The following SLIT3 variants were observed in gnomAD, a reference collection of about 807,000 sequenced individuals.
SLIT3 encodes slit guidance ligand 3, also known as slit homolog 3 protein.
SLIT3 carries 68 observed loss-of-function variants against 184.0 expected under a neutral mutation model. The observed-to-expected ratio is 0.37, with a 90% CI of 0.30 to 0.45. The LOEUF (loss-of-function observed/expected upper bound fraction) is 0.45, where lower values mean the gene tolerates loss of function less well. SLIT3 is among the 20% of genes least tolerant of loss of function. The pLI, the probability that SLIT3 is intolerant of heterozygous loss-of-function variation, is 1.00. For missense variants in SLIT3, 1,707 were observed against 2,026.0 expected (o/e 0.84, Z 3.02); for synonymous variants, 831 against 828.6 (o/e 1.00, Z -0.05).
At chr5:168,836,702 C>T (rs138635051) in intron 6 of SLIT3, among the ~76,000 whole-genome samples, 415 of 152,244 alleles carry the variant, frequency 2.7e-3, no homozygotes, top group Non-Finnish European at 5.0e-3. Flanking sequence ...CCACGACTTG[C>T]CGACTCCCCC....
intron 4 of SLIT3, among the ~76,000 whole-genome samples, chr5:168,984,369 T>C (rs6875247): frequency 0.063 from 9,545 of 152,184 alleles, 394 homozygotes; most frequent in African/African-American, 0.12. Flanking sequence ...TCAATCTGCA[T>C]TTCCTAAATG....
At chr5:169,215,820 G>A (rs1764416557) in intron 3 of SLIT3, among the ~76,000 whole-genome samples, 1 of 152,178 alleles carries the variant, frequency 6.6e-6, no homozygotes, top group Non-Finnish European at 1.5e-5. Flanking sequence ...TTCTTTCCTA[G>A]AATGAAATTC....
intron 1 of SLIT3, among the ~76,000 whole-genome samples, chr5:169,260,331 A>T (rs558344865): frequency 6.6e-6 from 1 of 152,084 alleles, no homozygotes; most frequent in South Asian, 2.1e-4. Flanking sequence ...TCAGTTATGC[A>T]CTCACTACGC....
intron 4 of SLIT3, among the ~76,000 whole-genome samples, chr5:168,981,852 G>A (rs1754955905): frequency 6.6e-6 from 1 of 152,116 alleles, no homozygotes; most frequent in African/African-American, 2.4e-5. Flanking sequence ...GGATGTTTAA[G>A]GGCACTGAAG....
intron 5 of SLIT3, among the ~76,000 whole-genome samples, chr5:168,857,843 T>C (rs1407703975): frequency 6.6e-6 from 1 of 152,212 alleles, no homozygotes; most frequent in African/African-American, 2.4e-5. Context: ...ACCACCGAGC[T>C]TAAAAGCCCT....
chr5:168,820,096 T>C (rs1028147267), intron 7 of SLIT3, among the ~76,000 whole-genome samples: 1 of 152,176 alleles, frequency 6.6e-6, no homozygotes, highest in Non-Finnish European at 1.5e-5. Context: ...AAAATAATCA[T>C]AATGGCATGA....
intron 4 of SLIT3, among the ~76,000 whole-genome samples, chr5:168,959,177 T>A (rs1381414463): frequency 6.6e-6 from 1 of 152,240 alleles, no homozygotes; most frequent in African/African-American, 2.4e-5. Flanking sequence ...ATACCACATA[T>A]CTGAGAACTT....
At chr5:168,907,871 T>A (rs543483279) in intron 4 of SLIT3, among the ~76,000 whole-genome samples, 91 of 145,724 alleles carry the variant, frequency 6.2e-4, no homozygotes, top group African/African-American at 2.1e-3. Flanking sequence ...TATCTATAGA[T>A]ACATATAGAT....
intron 30 of SLIT3, 139 bp downstream of exon 30, chr5:168,686,839 AG>A: frequency 1.1e-6 from 1 of 887,412 alleles, no homozygotes; most frequent in South Asian, 1.6e-5. Context: ...CAAAGGTATC[AG>A]GGGAATAAAG....
intron 1 of SLIT3, among the ~76,000 whole-genome samples, chr5:169,291,295 C>T (rs556984660): frequency 3.3e-5 from 5 of 152,180 alleles, no homozygotes; most frequent in Admixed American, 2.0e-4. Flanking sequence ...ATGCTTGAGG[C>T]GGAAAATATT....
At chr5:168,893,152 C>G (rs369087952) in intron 4 of SLIT3, among the ~76,000 whole-genome samples, 10 of 152,304 alleles carry the variant, frequency 6.6e-5, no homozygotes, top group Admixed American at 6.5e-4. Flanking sequence ...TAGTCCCCTG[C>G]CAATTTTGGA....
intron 4 of SLIT3, among the ~76,000 whole-genome samples, chr5:169,116,469 C>T (rs1036953956): frequency 8.5e-5 from 13 of 152,246 alleles, no homozygotes; most frequent in African/African-American, 1.2e-4. Flanking sequence ...CCAGGATGAA[C>T]GACCTAGTTA....
At chr5:169,205,041 C>A (rs1029222694) in intron 3 of SLIT3, among the ~76,000 whole-genome samples, 43 of 152,142 alleles carry the variant, frequency 2.8e-4, no homozygotes, top group Middle Eastern at 3.4e-3. Context: ...GAGAGGGGCC[C>A]AGGAATTGAG....
intron 4 of SLIT3, among the ~76,000 whole-genome samples, chr5:168,955,558 A>T (rs1404147414): frequency 6.6e-6 from 1 of 152,186 alleles, no homozygotes; most frequent in East Asian, 1.9e-4. Context: ...AATGAGCTCA[A>T]ACCCCATGGC....
rs546100991 is a variant in SLIT3, at chr5:169,082,407, C to G, written c.413+111072G>C. 5.3e-5 allele frequency among the ~76,000 whole-genome samples: 8 copies of G among 152,328 alleles called. 1 individual carries two copies. Among genetic ancestry groups the G allele is most frequent in the African/African-American group, 1.9e-4 (8 of 41,558 alleles). On this transcript the variant is annotated intron_variant, in intron 4 of 35. Transcript: ENST00000519560. The stretch of plus-strand genomic sequence containing the variant: ...GAGTAATTTTTTAAAATATGCCTTA[C>G]TTACTTTCAGAAGAGTAATGAGATA...
At chr5:169,042,870 G>C (rs1191863011) in intron 4 of SLIT3, among the ~76,000 whole-genome samples, 3 of 152,060 alleles carry the variant, frequency 2.0e-5, no homozygotes, top group Admixed American at 6.5e-5. Context: ...AACTGGAAAC[G>C]ATCTGTCCAT....
chr5:168,827,539 T>C (rs758455149), intron 6 of SLIT3, among the ~76,000 whole-genome samples: 1 of 152,226 alleles, frequency 6.6e-6, no homozygotes, highest in Non-Finnish European at 1.5e-5. Context: ...TCCTGGGACC[T>C]TCCTCTTACA....
At chr5:169,145,308 C>T (rs1323185185) in intron 4 of SLIT3, among the ~76,000 whole-genome samples, 1 of 152,130 alleles carries the variant, frequency 6.6e-6, no homozygotes, top group Non-Finnish European at 1.5e-5. Flanking sequence ...TTGCTCGATG[C>T]CCACTAGGTC....
At chr5:169,024,644 G>C (rs1756743494) in intron 4 of SLIT3, 1 of 152,220 alleles carries the variant, frequency 6.6e-6, no homozygotes, top group African/African-American at 2.4e-5. Context: ...AGCAGTGTTT[G>C]TCGGTGGGAA....
Sources: allele counts gnomAD v4.1 joint callset (sites outside exome capture counted in the v4.1 genomes callset), GRCh38; gene constraint gnomAD v4.1.1; transcripts MANE v1.5; gene names NCBI Gene and HGNC (gene_info 2026-07-23, HGNC 2026-07-21).